C17orf107: variants seen among roughly 807,000 people sequenced by gnomAD.
The protein encoded by C17orf107 is uncharacterized protein C17orf107.
C17orf107 carries 9 observed loss-of-function variants against 8.9 expected under a neutral mutation model. The ratio of observed to expected loss-of-function variants is 1.02; its 90% CI spans 0.61 to 1.77. C17orf107 has a LOEUF of 1.77. C17orf107 is among the 40% of genes most tolerant of loss of function. The pLI is 0.00. For missense variants in C17orf107, 281 were observed against 249.0 expected, an observed-to-expected ratio of 1.13 and a Z score of -0.86; for synonymous variants, 139 against 120.3, an observed-to-expected ratio of 1.16 and a Z score of -1.02.
At position 4,902,117 on chromosome 17, in the gene C17orf107, C is replaced by T. The variant is rs985566505; in HGVS notation, c.*1584C>T. 4.3e-6 allele frequency: 7 copies of T among 1,613,678 alleles called. No individual in the cohort carries two copies. The highest frequency in any genetic ancestry group is 5.1e-6 in the Non-Finnish European group (6 of 1,179,924). On this transcript the variant is annotated 3_prime_UTR_variant, in exon 3 of 3. Coordinates refer to ENST00000381365, the MANE Select transcript of C17orf107 (RefSeq NM_001145536.2). This position sits in a 1 kb window ranked among gnomAD's most constrained non-coding sequence, Gnocchi z 4.0. ...GGGCTCGGGGAAACCGAGCTTTTTGCACAGGTCTGCACCCTCTCAGAGTAC... is the reference window on the plus strand; with the variant it reads ...GGGCTCGGGGAAACCGAGCTTTTTGTACAGGTCTGCACCCTCTCAGAGTAC...
In C17orf107 at chr17:4,900,447, T is replaced by C; in HGVS notation, c.487T>C (p.Ser163Pro). The change falls in exon 3 of 3, where the codon TCT becomes CCT. Residue 163 changes from serine to proline, a missense_variant. Ser to Pro is a moderately conservative substitution (Grantham distance 74, BLOSUM62 -1). Transcript: ENST00000381365. ...CCTGTGTGGACGGGGTCTGCAGGGGTCTGCCTCATTCCTGCGACAGTCGCA... is the reference window on the plus strand; with the variant it reads ...CCTGTGTGGACGGGGTCTGCAGGGGCCTGCCTCATTCCTGCGACAGTCGCA... ...LCLCGRGLQG[S>P]ASFLRQSQQQ... is the part of the protein sequence containing the mutation. The C allele has an allele frequency of 6.4e-7, 1 of 1,550,972 alleles. No individual in the cohort carries two copies. The highest frequency in any genetic ancestry group is 8.7e-7 in the Non-Finnish European group (1 of 1,146,954).
Position 4,900,858 on chromosome 17 carries a change from G to A in C17orf107, c.*325G>A, listed in dbSNP as rs770586668. 30 of 1,614,074 alleles carry A rather than the reference G, an allele frequency of 1.9e-5. No homozygotes were observed. Among genetic ancestry groups the A allele is most frequent in the Middle Eastern group, 1.6e-4 (1 of 6,084 alleles). On this transcript the variant is annotated 3_prime_UTR_variant, in exon 3 of 3. Transcript: ENST00000381365. ...TCTGGGCAATGAGGAACAAGAAGAC[G>A]GTCTGGGCGAGCAGGACGTTGATGG...
chr17:4,900,748 C>G lies in C17orf107; in HGVS notation c.*215C>G. 1 of 1,576,148 alleles carries G rather than the reference C, an allele frequency of 6.3e-7. No homozygotes were observed. Among genetic ancestry groups the G allele is most frequent in the Non-Finnish European group, 8.7e-7 (1 of 1,155,428 alleles). On this transcript the variant is annotated 3_prime_UTR_variant, in exon 3 of 3. Transcript: ENST00000381365. ...GGGTCTCTGGGTTTTGGCCACGCCC[C>G]CACCCTTCACACTGGCCACACCCCC...
chr17:4,900,932 G>A lies in C17orf107; in HGVS notation c.*399G>A. On this transcript the variant is annotated 3_prime_UTR_variant, in exon 3 of 3. Coordinates refer to ENST00000381365, the MANE Select transcript of C17orf107 (RefSeq NM_001145536.2). ...GCTGGAGGGAGAGCCAGTGAGAGCG[G>A]GCCCCGCCTCCCGGGAGCGAGCCCG... 6.2e-7 allele frequency: 1 copy of A among 1,614,056 alleles called. No individual in the cohort carries two copies. Among genetic ancestry groups the A allele is most frequent in the Non-Finnish European group, 8.5e-7 (1 of 1,179,948 alleles).
At position 4,900,446 on chromosome 17, in the gene C17orf107, G is replaced by C; in HGVS notation, c.486G>C (p.Gly162=). 6.4e-7 allele frequency: 1 copy of C among 1,551,112 alleles called. No homozygotes were observed. The highest frequency in any genetic ancestry group is 8.7e-7 in the Non-Finnish European group (1 of 1,146,976). Residue 162 remains glycine, a synonymous_variant, in exon 3 of 3, where the codon GGG becomes GGC. Coordinates refer to ENST00000381365, the MANE Select transcript of C17orf107 (RefSeq NM_001145536.2). ...GCCTGTGTGGACGGGGTCTGCAGGG[G>C]TCTGCCTCATTCCTGCGACAGTCGC... ...WLCLCGRGLQ[G]SASFLRQSQQ...
Position 4,899,944 on chromosome 17 carries a change from C to G in C17orf107, c.75C>G (p.Leu25=), listed in dbSNP as rs890674982. 2 of 1,550,678 alleles carry G rather than the reference C, an allele frequency of 1.3e-6. No individual in the cohort carries two copies. The highest frequency in any genetic ancestry group is 2.0e-5 in the Admixed American group (1 of 50,960). Residue 25 remains leucine, a synonymous_variant, in exon 2 of 3, where the codon CTC becomes CTG. Coordinates refer to ENST00000381365, the MANE Select transcript of C17orf107 (RefSeq NM_001145536.2). ...YHFHSSTEVA[L]QPPLLSSLEL... ...CTCTGCTCCTTCTCCAGGTGGCCCT[C>G]CAGCCCCCGCTTCTGTCTTCCCTGG...
Position 4,901,550 on chromosome 17 carries a change from G to A in C17orf107, c.*1017G>A. The A allele has an allele frequency of 6.2e-7, 1 of 1,614,128 alleles. No homozygotes were observed. Among genetic ancestry groups the A allele is most frequent in the Non-Finnish European group, 8.5e-7 (1 of 1,180,002 alleles). On this transcript the variant is annotated 3_prime_UTR_variant, in exon 3 of 3. Transcript: ENST00000381365. ...CAGTATAGGCCTCTGTGTCGATGTC[G>A]ATCTTGTTGATGGTCTTGCCGTCGT...
chr17:4,901,240 G>A lies in C17orf107; in HGVS notation c.*707G>A. 2 of 1,581,288 alleles carry A rather than the reference G, an allele frequency of 1.3e-6. No individual in the cohort carries two copies. The highest frequency in any genetic ancestry group is 1.7e-6 in the Non-Finnish European group (2 of 1,166,100). On this transcript the variant is annotated 3_prime_UTR_variant, in exon 3 of 3. Coordinates refer to ENST00000381365, the MANE Select transcript of C17orf107 (RefSeq NM_001145536.2). ...TGGCTGTCAGAGCGGGGCGCCCGCC[G>A]AGCTGACAGCGGGCTGAAGAGGAGG...
Position 4,901,903 on chromosome 17 carries a change from C to T in C17orf107, c.*1370C>T, listed in dbSNP as rs1567639440. On this transcript the variant is annotated 3_prime_UTR_variant, in exon 3 of 3. Transcript: ENST00000381365. ...CATAAGGCCCCCCCCCAACAATAAT[C>T]GTCCGGGCCTCGGAGTAGCTCTTCC... 2.3e-6 allele frequency: 2 copies of T among 865,426 alleles called. No individual in the cohort carries two copies. Among genetic ancestry groups the T allele is most frequent in the Non-Finnish European group, 3.6e-6 (2 of 554,414 alleles). The allele number at this position is 865,426 out of a possible 1,614,324, so 53.6% of individuals were successfully genotyped here.
At position 4,901,548 on chromosome 17, in the gene C17orf107, T is replaced by A; in HGVS notation, c.*1015T>A. 1 of 1,614,138 alleles carries A rather than the reference T, an allele frequency of 6.2e-7. No homozygotes were observed. Among genetic ancestry groups the A allele is most frequent in the Non-Finnish European group, 8.5e-7 (1 of 1,179,994 alleles). ...ACCAGTATAGGCCTCTGTGTCGATG[T>A]CGATCTTGTTGATGGTCTTGCCGTC... is the stretch of plus-strand genomic sequence containing the variant. On this transcript the variant is annotated 3_prime_UTR_variant, in exon 3 of 3. Transcript: ENST00000381365.
In C17orf107 at chr17:4,899,739, C is replaced by G; in HGVS notation, c.-24C>G. ...GACAGACGCGTCCCCCAGCCCTTCTCCTGTCCTACCACTTGTGGCGGCCAT... is the reference window on the plus strand; with the variant it reads ...GACAGACGCGTCCCCCAGCCCTTCTGCTGTCCTACCACTTGTGGCGGCCAT... On this transcript the variant is annotated 5_prime_UTR_variant, in exon 1 of 3. Coordinates refer to ENST00000381365, the MANE Select transcript of C17orf107 (RefSeq NM_001145536.2). The G allele has an allele frequency of 6.5e-7, 1 of 1,549,176 alleles. No individual in the cohort carries two copies. Among genetic ancestry groups the G allele is most frequent in the Non-Finnish European group, 8.7e-7 (1 of 1,144,962 alleles).
rs2151097269 is a variant in C17orf107 at position 4,901,054 on chromosome 17, G to A, written c.*521G>A. The A allele has an allele frequency of 6.2e-7, 1 of 1,614,066 alleles. No homozygotes were observed. The highest frequency in any genetic ancestry group is 1.1e-5 in the South Asian group (1 of 91,088). ...AGATGAGCACACAGGGCACGATGATGTTAATGACGTAGAAGAGCGGCTTCC... is the reference window on the plus strand; with the variant it reads ...AGATGAGCACACAGGGCACGATGATATTAATGACGTAGAAGAGCGGCTTCC... On this transcript the variant is annotated 3_prime_UTR_variant, in exon 3 of 3. Coordinates refer to ENST00000381365, the MANE Select transcript of C17orf107 (RefSeq NM_001145536.2).
In C17orf107 at chr17:4,901,890, C is replaced by CT. The variant is rs1555546947; in HGVS notation, c.*1357_*1358insT. 12 of 1,605,438 alleles carry CT rather than the reference C, an allele frequency of 7.5e-6. No homozygotes were observed. The East Asian group carries it at 2.7e-4, about 36-fold the overall frequency. On this transcript the variant is annotated 3_prime_UTR_variant, in exon 3 of 3. Coordinates refer to ENST00000381365, the MANE Select transcript of C17orf107 (RefSeq NM_001145536.2). ...GTTGGCCCCGCCCCATAAGGCCCCC[C>CT]CCCAACAATAATCGTCCGGGCCTCG...
In C17orf107 at chr17:4,901,530, T is replaced by G. The variant is rs1567639047; in HGVS notation, c.*997T>G. On this transcript the variant is annotated 3_prime_UTR_variant, in exon 3 of 3. Coordinates refer to ENST00000381365, the MANE Select transcript of C17orf107 (RefSeq NM_001145536.2). ...TGAGCAGGCAGGGGCTTCACCAGTATAGGCCTCTGTGTCGATGTCGATCTT... is the reference window on the plus strand; with the variant it reads ...TGAGCAGGCAGGGGCTTCACCAGTAGAGGCCTCTGTGTCGATGTCGATCTT... 1 of 1,614,040 alleles carries G rather than the reference T, an allele frequency of 6.2e-7. No individual in the cohort carries two copies.
In C17orf107 at chr17:4,901,217, G is replaced by T; in HGVS notation, c.*684G>T. 1 of 1,594,144 alleles carries T rather than the reference G, an allele frequency of 6.3e-7. No individual in the cohort carries two copies. Among genetic ancestry groups the T allele is most frequent in the Non-Finnish European group, 8.5e-7 (1 of 1,175,102 alleles). On this transcript the variant is annotated 3_prime_UTR_variant, in exon 3 of 3. Transcript: ENST00000381365. ...TGCGGGACGGGGGCACGGTCAGCTG[G>T]CTGTCAGAGCGGGGCGCCCGCCGAG...
chr17:4,901,730 C>A lies in C17orf107; in HGVS notation c.*1197C>A. 1.6e-6 allele frequency: 2 copies of A among 1,285,474 alleles called. No homozygotes were observed. The highest frequency in any genetic ancestry group is 2.2e-6 in the Non-Finnish European group (2 of 900,290). 79.6% of individuals were successfully genotyped at this position (1,285,474 alleles called of 1,614,324 possible). A position where few individuals can be genotyped will look rare whatever the true frequency, so the allele number is the denominator to read the frequency against. On this transcript the variant is annotated 3_prime_UTR_variant, in exon 3 of 3. Coordinates refer to ENST00000381365, the MANE Select transcript of C17orf107 (RefSeq NM_001145536.2). ...TCTAGCGGGGCCGCGATCCCAAGCC[C>A]ACCCCTTCACCCAAGCCCAGCCCGC...
At position 4,900,732 on chromosome 17, in the gene C17orf107, G is replaced by T. The variant is rs1969952885; in HGVS notation, c.*199G>T. On this transcript the variant is annotated 3_prime_UTR_variant, in exon 3 of 3. Transcript: ENST00000381365. ...GCCAGAGCTTTTCCCGGGGTCTCTG[G>T]GTTTTGGCCACGCCCCCACCCTTCA... 2 of 1,538,610 alleles carry T rather than the reference G, an allele frequency of 1.3e-6. No homozygotes were observed. Among genetic ancestry groups the T allele is most frequent in the Non-Finnish European group, 8.9e-7 (1 of 1,129,200 alleles).
In C17orf107 at chr17:4,900,755, TC is replaced by T; in HGVS notation, c.*223del. On this transcript the variant is annotated 3_prime_UTR_variant, in exon 3 of 3. Coordinates refer to ENST00000381365, the MANE Select transcript of C17orf107 (RefSeq NM_001145536.2). ...TGGGTTTTGGCCACGCCCCCACCCT[TC>T]ACACTGGCCACACCCCCGCGGGGGC... The T allele has an allele frequency of 6.3e-7, 1 of 1,589,208 alleles. No homozygotes were observed. The highest frequency in any genetic ancestry group is 8.6e-7 in the Non-Finnish European group (1 of 1,164,458).
rs765175027 is a variant in C17orf107, at chr17:4,901,200, G to A, written c.*667G>A. On this transcript the variant is annotated 3_prime_UTR_variant, in exon 3 of 3. Transcript: ENST00000381365. ...GCCCACTCGCCGTTCTCTGCGGGAC[G>A]GGGGCACGGTCAGCTGGCTGTCAGA... The A allele has an allele frequency of 2.8e-5, 45 of 1,599,530 alleles. No individual in the cohort carries two copies. Among genetic ancestry groups the A allele is most frequent in the East Asian group, 1.3e-4 (6 of 44,784 alleles).
Sources: gnomAD v4.1 joint callset for allele counts on GRCh38, gnomAD v4.1.1 for gene constraint, Gnocchi (gnomAD v3.1) non-coding constraint, MANE v1.5 for transcripts, NCBI Gene and HGNC (gene_info 2026-07-23, HGNC 2026-07-21) for gene names.